The following CCDC3 variants were observed in gnomAD, a reference collection of about 807,000 sequenced individuals.
CCDC3 encodes the protein coiled-coil domain containing 3, also known as coiled-coil domain-containing protein 3.
In CCDC3, 24 loss-of-function variants were observed where a neutral mutation model predicts 21.4. The observed-to-expected ratio is 1.12, with a 90% CI of 0.81 to 1.58. The LOEUF (loss-of-function observed/expected upper bound fraction) is 1.58, where lower values mean the gene tolerates loss of function less well. CCDC3 is among the 40% of genes most tolerant of loss of function. The pLI, the probability that CCDC3 is intolerant of heterozygous loss-of-function variation, is 0.00. For synonymous variants in CCDC3, 186 were observed against 166.0 expected (o/e 1.12, Z -0.93); for missense variants, 425 against 360.9 (o/e 1.18, Z -1.44).
intron 2 of CCDC3, among the ~76,000 whole-genome samples, chr10:12,915,350 A>G (rs1834335939): frequency 6.6e-6 from 1 of 152,206 alleles, no homozygotes; most frequent in South Asian, 2.1e-4. Flanking sequence ...TCCATTCATT[A>G]AATGTCTTGT....
intron 5 of CCDC3, among the ~76,000 whole-genome samples, chr10:13,027,391 T>C (rs1415949433): frequency 1.3e-5 from 2 of 152,206 alleles, no homozygotes; most frequent in Non-Finnish European, 2.9e-5. Flanking sequence ...CCATCTGTCA[T>C]ATTTATCAGG....
At chr10:13,054,335 C>G (rs956156674) in intron 4 of CCDC3, among the ~76,000 whole-genome samples, 5 of 152,064 alleles carry the variant, frequency 3.3e-5, no homozygotes, top group Non-Finnish European at 7.4e-5. Context: ...CCTCTGCAAT[C>G]CCCTCAGCTA....
At chr10:12,908,666 G>A (rs1834217061) in intron 2 of CCDC3, among the ~76,000 whole-genome samples, 2 of 149,846 alleles carry the variant, frequency 1.3e-5, no homozygotes, top group Non-Finnish European at 3.0e-5. Flanking sequence ...CTGGAGTGCA[G>A]AGGTGTGATC....
At chr10:12,940,229 G>GTT (rs34664068) in intron 2 of CCDC3, among the ~76,000 whole-genome samples, 146 of 105,188 alleles carry the variant, frequency 1.4e-3, no homozygotes, top group Middle Eastern at 5.3e-3. Context: ...CATTGAAATT[G>GTT]TTTTTTTTTT....
chr10:13,030,105 T>C (rs1410698782), intron 5 of CCDC3, among the ~76,000 whole-genome samples: 2 of 152,134 alleles, frequency 1.3e-5, no homozygotes, highest in Non-Finnish European at 1.5e-5. Flanking sequence ...GGTTGGGTTA[T>C]CCACAAAGGG....
chr10:12,981,795 C>T (rs1835501425), intron 2 of CCDC3, among the ~76,000 whole-genome samples: 1 of 151,976 alleles, frequency 6.6e-6, no homozygotes, highest in Admixed American at 6.6e-5. Context: ...GAAAGTGAGT[C>T]ATAGTGATAC....
intron 4 of CCDC3, among the ~76,000 whole-genome samples, chr10:13,061,535 G>A (rs1259942944): frequency 6.6e-6 from 1 of 152,184 alleles, no homozygotes; most frequent in Admixed American, 6.5e-5. Flanking sequence ...AGGAGGTGCT[G>A]AGAACATATG....
intron 5 of CCDC3, among the ~76,000 whole-genome samples, chr10:13,045,856 C>T (rs748731200): frequency 1.3e-5 from 2 of 151,952 alleles, no homozygotes; most frequent in Non-Finnish European, 2.9e-5. Context: ...TTTGGGAGGC[C>T]GAGATGGGGG....
intron 2 of CCDC3, among the ~76,000 whole-genome samples, chr10:12,904,107 A>G (rs1386771776): frequency 6.6e-6 from 1 of 151,888 alleles, no homozygotes; most frequent in African/African-American, 2.4e-5. Context: ...TGAGTATTTC[A>G]TGGGAGCTGG....
intron 2 of CCDC3, among the ~76,000 whole-genome samples, chr10:12,935,577 TTC>T (rs1156314022): frequency 3.9e-5 from 6 of 152,348 alleles, no homozygotes; most frequent in East Asian, 1.9e-4. Flanking sequence ...TTATTTCATT[TTC>T]TCTTTCTTAG....
intron 2 of CCDC3, among the ~76,000 whole-genome samples, chr10:12,995,206 T>C (rs1835742952): frequency 6.6e-6 from 1 of 152,214 alleles, no homozygotes; most frequent in Non-Finnish European, 1.5e-5. Flanking sequence ...GTAATTTTAA[T>C]TTCAAATTAA....
intron 5 of CCDC3, among the ~76,000 whole-genome samples, chr10:13,012,284 A>C (rs1407619012): frequency 1.3e-5 from 2 of 152,244 alleles, no homozygotes; most frequent in Non-Finnish European, 2.9e-5. Context: ...AAATATTCAC[A>C]AACTATACAT....
intron 2 of CCDC3, among the ~76,000 whole-genome samples, chr10:12,972,766 G>A (rs974317522): frequency 4.6e-5 from 7 of 151,514 alleles, no homozygotes; most frequent in South Asian, 2.1e-4. Context: ...GCAGTGAGCC[G>A]AGATCACACC....
At chr10:12,969,279 G>A (rs1835305749) in intron 2 of CCDC3, among the ~76,000 whole-genome samples, 1 of 152,092 alleles carries the variant, frequency 6.6e-6, no homozygotes. Context: ...CTGTTAGAAT[G>A]ACTATAATAA....
intron 2 of CCDC3, among the ~76,000 whole-genome samples, chr10:12,961,541 TG>T (rs1441723936): frequency 6.6e-6 from 1 of 152,210 alleles, no homozygotes; most frequent in Non-Finnish European, 1.5e-5. Flanking sequence ...CAAAGGATTT[TG>T]GCATAAACAA....
chr10:12,949,250 C>T (rs1834973525), intron 2 of CCDC3, among the ~76,000 whole-genome samples: 1 of 152,198 alleles, frequency 6.6e-6, no homozygotes, highest in South Asian at 2.1e-4. Context: ...ATATCCCAGC[C>T]TGCCTTGAAC....
chr10:12,999,718 G>A (rs1352830689), intron 1 of CCDC3, among the ~76,000 whole-genome samples: 1 of 152,206 alleles, frequency 6.6e-6, no homozygotes, highest in Non-Finnish European at 1.5e-5. Context: ...TGGACAAACT[G>A]TATTTCATGA....
intron 2 of CCDC3, among the ~76,000 whole-genome samples, chr10:12,956,388 T>C (rs1230499897): frequency 6.6e-6 from 1 of 152,176 alleles, no homozygotes. Flanking sequence ...CTTTCTGTCA[T>C]GGCTGCCGTG....
At chr10:13,076,619 C>T (rs1259393128) in intron 3 of CCDC3, among the ~76,000 whole-genome samples, 3 of 152,238 alleles carry the variant, frequency 2.0e-5, no homozygotes, top group Non-Finnish European at 2.9e-5. Context: ...AGTTATTAAA[C>T]ATGCTCACAG....
Sources: gnomAD v4.1 joint callset for allele counts (sites outside exome capture counted in the v4.1 genomes callset) on GRCh38, gnomAD v4.1.1 for gene constraint, MANE v1.5 for transcripts, NCBI Gene and HGNC (gene_info 2026-07-23, HGNC 2026-07-21) for gene names.